PLCL2: variants seen among roughly 807,000 people sequenced by gnomAD.
PLCL2 encodes the protein inactive phospholipase C-like protein 2.
Under a neutral mutation model 79.6 loss-of-function variants are expected in PLCL2, and 4 were observed. That is an observed-to-expected ratio of 0.05 (90% CI 0.02 to 0.11). The LOEUF is 0.11. Among genes scored for constraint, PLCL2 ranks in the 10% least tolerant of loss-of-function variants. PLCL2 has a pLI of 1.00. For synonymous variants in PLCL2, 484 were observed against 457.7 expected, an observed-to-expected ratio of 1.06 and a Z score of -0.73; for missense variants, 895 against 1,291.0, an observed-to-expected ratio of 0.69 and a Z score of 4.70.
chr3:16,970,379 A>G (rs1315664692), intron 1 of PLCL2, among the ~76,000 whole-genome samples: 1 of 151,316 alleles, frequency 6.6e-6, no homozygotes, highest in Non-Finnish European at 1.5e-5. Context: ...TGTCCCTACA[A>G]AGGACATGAA....
At chr3:17,018,753 T>C (rs983700272) in intron 3 of PLCL2, among the ~76,000 whole-genome samples, 2 of 152,222 alleles carry the variant, frequency 1.3e-5, no homozygotes, top group Admixed American at 1.3e-4. Flanking sequence ...ATTTAATTGG[T>C]TTATTTCAAT....
At position 17,010,948 on chromosome 3, in the gene PLCL2, C is replaced by T. The variant is rs2064314673; in HGVS notation, c.1602C>T (p.His534=). The change falls in exon 2 of 6, where the codon CAC becomes CAT. Residue 534 remains histidine (H), a synonymous_variant. Transcript: ENST00000615277. The surrounding 1 kb of genome is among the most constrained non-coding windows in gnomAD (Gnocchi z 5.8). The part of the protein sequence containing the change: ...SIKQQKVMVQ[H]MKKLLGDKLY... The stretch of plus-strand genomic sequence containing the variant: ...AACAACAGAAGGTAATGGTTCAGCA[C>T]ATGAAGAAACTTTTAGGAGACAAGC... 2.5e-6 allele frequency: 4 copies of T among 1,614,058 alleles called. No homozygotes were observed. The highest frequency in any genetic ancestry group is 3.4e-6 in the Non-Finnish European group (4 of 1,179,994).
At chr3:17,059,307 A>G (rs2064921308) in intron 4 of PLCL2, among the ~76,000 whole-genome samples, 1 of 150,606 alleles carries the variant, frequency 6.6e-6, no homozygotes. Context: ...CAAACCTGGG[A>G]GGCAGAGGTT....
chr3:16,985,328 T>C (rs2064038331), intron 1 of PLCL2, among the ~76,000 whole-genome samples: 1 of 152,132 alleles, frequency 6.6e-6, no homozygotes, highest in African/African-American at 2.4e-5. Context: ...AGTACTTCCA[T>C]AGTACGTGGC....
At chr3:16,921,233 A>G (rs1400989080) in intron 1 of PLCL2, among the ~76,000 whole-genome samples, 1 of 152,236 alleles carries the variant, frequency 6.6e-6, no homozygotes, top group Non-Finnish European at 1.5e-5. Flanking sequence ...CTGTTCCAGA[A>G]TAAGGTTGCC....
intron 1 of PLCL2, among the ~76,000 whole-genome samples, chr3:17,003,625 T>C (rs2064231594): frequency 6.6e-6 from 1 of 152,172 alleles, no homozygotes; most frequent in Non-Finnish European, 1.5e-5. Context: ...CACCTGGGCC[T>C]CAGGAATGGG....
At chr3:16,922,176 A>G (rs1559486302) in intron 1 of PLCL2, among the ~76,000 whole-genome samples, 4 of 152,308 alleles carry the variant, frequency 2.6e-5, no homozygotes, top group Admixed American at 1.3e-4. Context: ...AAACTTATTC[A>G]GGAAGAATTT....
chr3:17,086,031 G>A lies in PLCL2; in HGVS notation c.3205-3702G>A, dbSNP rs373892828. Reference sequence around the variant, plus strand: ...CAACATAATCTCAAACTTCCAGCAAGCATAAAAATAGATAAATAAATAAAT... The same window carrying A: ...CAACATAATCTCAAACTTCCAGCAAACATAAAAATAGATAAATAAATAAAT... On this transcript the variant is annotated intron_variant, in intron 5 of 5. Coordinates refer to ENST00000615277, the MANE Select transcript of PLCL2 (RefSeq NM_001144382.2). Among the ~76,000 whole-genome samples, 6 of 152,160 alleles carry A rather than the reference G, an allele frequency of 3.9e-5. No individual in the cohort carries two copies. The East Asian group carries it at 9.6e-4, about 24-fold the overall frequency.
intron 1 of PLCL2, among the ~76,000 whole-genome samples, chr3:16,963,337 G>A (rs1018338873): frequency 6.6e-6 from 1 of 151,862 alleles, no homozygotes; most frequent in Non-Finnish European, 1.5e-5. Flanking sequence ...TTTAAACTTT[G>A]AAAAATGTAG....
At chr3:17,000,783 A>G (rs1350261383) in intron 1 of PLCL2, among the ~76,000 whole-genome samples, 1 of 152,106 alleles carries the variant, frequency 6.6e-6, no homozygotes, top group Admixed American at 6.6e-5. Context: ...ATAATATTCC[A>G]TTATGTATAC....
intron 1 of PLCL2, among the ~76,000 whole-genome samples, chr3:16,893,895 C>T (rs755046317): frequency 5.3e-4 from 80 of 152,156 alleles, no homozygotes; most frequent in Non-Finnish European, 7.5e-4. Flanking sequence ...GACACAAATC[C>T]TGTGTCTCTC....
chr3:16,893,873 T>C (rs920991725), intron 1 of PLCL2, among the ~76,000 whole-genome samples: 1 of 152,226 alleles, frequency 6.6e-6, no homozygotes, highest in African/African-American at 2.4e-5. Context: ...CCAAATAATG[T>C]AGTGCTAGGT....
chr3:16,915,116 C>T (rs775430868), intron 1 of PLCL2, among the ~76,000 whole-genome samples: 4 of 152,124 alleles, frequency 2.6e-5, no homozygotes, highest in Non-Finnish European at 4.4e-5. Context: ...TCTTAGTAGA[C>T]GGATGTTGGA....
In PLCL2 at chr3:16,929,409, G is replaced by A. The variant is rs182046799; in HGVS notation, c.327+44043G>A. Among the ~76,000 whole-genome samples the A allele has an allele frequency of 4.0e-3, 612 of 152,290 alleles. 2 individuals are homozygous for A. Among genetic ancestry groups the A allele is most frequent in the African/African-American group, 0.014 (580 of 41,554 alleles). The stretch of plus-strand genomic sequence containing the variant: ...TTCCCAAAAAGACTTCTGGGAAGGC[G>A]GGCAGGAATCAGAGCTTCCTGGTGA... On this transcript the variant is annotated intron_variant, in intron 1 of 5. Transcript: ENST00000615277.
In PLCL2 at chr3:17,010,138, A is replaced by G. The variant is rs1427998948; in HGVS notation, c.792A>G (p.Gln264=). ...KHTLDMLESS[Q]DNMRTSWVSQ... ...CACTTGATATGTTAGAAAGTAGCCA[A>G]GATAACATGAGGACTTCTTGGGTTT... Residue 264 remains glutamine (Q), a synonymous_variant, in exon 2 of 6, where the codon CAA becomes CAG. Coordinates refer to ENST00000615277, the MANE Select transcript of PLCL2 (RefSeq NM_001144382.2). The surrounding 1 kb of genome is among the most constrained non-coding windows in gnomAD (Gnocchi z 5.8). 1.9e-6 allele frequency: 3 copies of G among 1,613,980 alleles called. No homozygotes were observed. Among genetic ancestry groups the G allele is most frequent in the South Asian group, 2.2e-5 (2 of 91,084 alleles).
intron 3 of PLCL2, among the ~76,000 whole-genome samples, chr3:17,039,123 C>G (rs2064691315): frequency 6.6e-6 from 1 of 152,234 alleles, no homozygotes; most frequent in Admixed American, 6.5e-5. Context: ...TCACTTTCAT[C>G]TTGATGCATT....
chr3:16,932,241 GGTTTAGGTA>G (rs1697420658), intron 1 of PLCL2, among the ~76,000 whole-genome samples: 1 of 152,196 alleles, frequency 6.6e-6, no homozygotes, highest in African/African-American at 2.4e-5. Context: ...TCTGCTATGT[GGTTTAGGTA>G]GTATCAGCTG....
rs1696176227 is a variant in PLCL2 at position 16,885,067 on chromosome 3, G to T, written c.28G>T (p.Ala10Ser). ...GGCGGAGTGCGGCCGGGGGGGCGCC[G>T]CCGGCGGGGCCCTGCCCACCTCCCC... MAECGRGGAAGGALPTSPGP... is the reference protein window; with the variant it reads MAECGRGGASGGALPTSPGP... The change falls in exon 1 of 6, where the codon GCC becomes TCC. Residue 10 changes from alanine to serine, a missense_variant. By Grantham distance (99) the Ala-to-Ser change is moderately conservative. Coordinates refer to ENST00000615277, the MANE Select transcript of PLCL2 (RefSeq NM_001144382.2). 2.6e-6 allele frequency: 1 copy of T among 379,796 alleles called. No homozygotes were observed. The highest frequency in any genetic ancestry group is 4.7e-6 in the Non-Finnish European group (1 of 214,474). 23.5% of individuals were successfully genotyped at this position (379,796 alleles called of 1,614,324 possible). A position where few individuals can be genotyped will look rare whatever the true frequency, so the allele number is the denominator to read the frequency against.
rs1323567898 is a variant in PLCL2, at chr3:17,011,167, G to T, written c.1821G>T (p.Val607=). The change falls in exon 2 of 6, where the codon GTG becomes GTT. Residue 607 remains valine, a synonymous_variant. Coordinates refer to ENST00000615277, the MANE Select transcript of PLCL2 (RefSeq NM_001144382.2). The surrounding 1 kb of genome is among the most constrained non-coding windows in gnomAD (Gnocchi z 7.9). ...GKENMEQPNN[V]PVKRFQLCKE... The stretch of plus-strand genomic sequence containing the variant: ...AGAACATGGAGCAACCCAATAATGT[G>T]CCTGTGAAGCGATTTCAGCTTTGTA... 6.2e-7 allele frequency: 1 copy of T among 1,614,160 alleles called. No individual in the cohort carries two copies. Among genetic ancestry groups the T allele is most frequent in the Non-Finnish European group, 8.5e-7 (1 of 1,180,024 alleles).
Sources: gnomAD v4.1 joint callset for allele counts (sites outside exome capture counted in the v4.1 genomes callset) on GRCh38, gnomAD v4.1.1 for gene constraint, Gnocchi (gnomAD v3.1) non-coding constraint, MANE v1.5 for transcripts, NCBI Gene and HGNC (gene_info 2026-07-23, HGNC 2026-07-21) for gene names.